The following PLCL1 variants were observed in gnomAD, a reference collection of about 807,000 sequenced individuals.
PLCL1 encodes inactive phospholipase C-like protein 1.
In PLCL1, 41 loss-of-function variants were observed where a neutral mutation model predicts 84.4. The observed-to-expected ratio is 0.49, with a 90% CI of 0.38 to 0.63. The LOEUF (loss-of-function observed/expected upper bound fraction) is 0.63. Among genes scored for constraint, PLCL1 ranks in the 30% least tolerant of loss-of-function variants. The pLI is 0.00. For missense variants in PLCL1, 1,206 were observed against 1,367.8 expected (o/e 0.88, Z 1.87); for synonymous variants, 490 against 488.3 (o/e 1.00, Z -0.05).
chr2:197,922,802 C>T (rs1187516143), intron 1 of PLCL1, among the ~76,000 whole-genome samples: 47 of 115,128 alleles, frequency 4.1e-4, no homozygotes, highest in Non-Finnish European at 6.2e-4. Flanking sequence ...CCCTCCCGGA[C>T]GGGGCGGCTG....
In PLCL1 at chr2:198,089,074, G is replaced by C. The variant is rs80071401; in HGVS notation, c.2919+13G>C. 5 of 1,602,596 alleles carry C rather than the reference G, an allele frequency of 3.1e-6. No homozygotes were observed. The highest frequency in any genetic ancestry group is 4.3e-6 in the Non-Finnish European group (5 of 1,169,930). ...TGCTTATGATCTGGTAGGAAATTGCGACTCCATATTTTTTTACGTGTGTGT... is the reference window on the plus strand; with the variant it reads ...TGCTTATGATCTGGTAGGAAATTGCCACTCCATATTTTTTTACGTGTGTGT... On this transcript the variant is annotated intron_variant, in intron 3 of 5. Transcript: ENST00000428675.
chr2:197,805,120 C>A lies in PLCL1; in HGVS notation c.21C>A (p.Gly7=). The change falls in exon 1 of 6, where the codon GGC becomes GGA. Residue 7 remains glycine (G), a synonymous_variant. Coordinates refer to ENST00000428675, the MANE Select transcript of PLCL1 (RefSeq NM_006226.4). This position sits in a 1 kb window ranked among gnomAD's most constrained non-coding sequence, Gnocchi z 4.0. ...AGGCCATGGCCGAGGGCGCGGCCGG[C>A]AGGGAGGATCCGGCGCCGCCCGACG... MAEGAA[G]REDPAPPDAA... is the part of the protein sequence containing the mutation. 1 of 1,323,352 alleles carries A rather than the reference C, an allele frequency of 7.6e-7. No individual in the cohort carries two copies. Among genetic ancestry groups the A allele is most frequent in the South Asian group, 2.0e-5 (1 of 49,134 alleles). The allele number at this position is 1,323,352 out of a possible 1,614,324, so 82.0% of individuals were successfully genotyped here. A position where few individuals can be genotyped will look rare whatever the true frequency, so the allele number is the denominator to read the frequency against.
chr2:198,078,580 C>T (rs1215126775), intron 1 of PLCL1, among the ~76,000 whole-genome samples: 1 of 151,960 alleles, frequency 6.6e-6, no homozygotes, highest in African/African-American at 2.4e-5. Flanking sequence ...CCCTCCCTTA[C>T]ACTATGTAGC....
At chr2:198,139,105 A>C (rs982316965) in intron 5 of PLCL1, among the ~76,000 whole-genome samples, 5 of 152,126 alleles carry the variant, frequency 3.3e-5, no homozygotes, top group African/African-American at 1.2e-4. Flanking sequence ...CTGTGAGCCA[A>C]GATCGCACCA....
At chr2:197,931,274 A>C (rs1026501869) in intron 1 of PLCL1, among the ~76,000 whole-genome samples, 3 of 152,078 alleles carry the variant, frequency 2.0e-5, no homozygotes, top group African/African-American at 7.2e-5. Flanking sequence ...TCAGACTTAA[A>C]CTTTCCTCAC....
intron 1 of PLCL1, among the ~76,000 whole-genome samples, chr2:197,875,854 A>G (rs1037774339): frequency 6.6e-6 from 1 of 152,146 alleles, no homozygotes; most frequent in Non-Finnish European, 1.5e-5. Context: ...CAGATGTGTG[A>G]GACAGGCTGG....
chr2:197,841,938 A>T (rs1273207466), intron 1 of PLCL1, among the ~76,000 whole-genome samples: 2 of 152,198 alleles, frequency 1.3e-5, no homozygotes, highest in African/African-American at 2.4e-5. Context: ...GTTTTATTGA[A>T]GACATGTAGG....
intron 1 of PLCL1, among the ~76,000 whole-genome samples, chr2:197,922,949 G>A (rs1688741072): frequency 1.6e-5 from 2 of 121,332 alleles, no homozygotes; most frequent in Non-Finnish European, 3.5e-5. Flanking sequence ...GGCCGGGCGG[G>A]GGGCTGACCC....
chr2:198,145,894 A>C (rs1342878409), intron 5 of PLCL1, among the ~76,000 whole-genome samples: 1 of 152,138 alleles, frequency 6.6e-6, no homozygotes, highest in Non-Finnish European at 1.5e-5. Context: ...TTTCAAGGTC[A>C]CACTTTCAGG....
chr2:197,865,748 C>T (rs1292011614), intron 1 of PLCL1, among the ~76,000 whole-genome samples: 1 of 151,746 alleles, frequency 6.6e-6, no homozygotes, highest in Non-Finnish European at 1.5e-5. Context: ...CATAGTGGCT[C>T]ACACCTGTAA....
rs1463860775 is a variant in PLCL1 at position 198,149,213 on chromosome 2, A to G, written c.*2251A>G. 6.6e-6 allele frequency: 1 copy of G among 152,302 alleles called. No individual in the cohort carries two copies. Among genetic ancestry groups the G allele is most frequent in the African/African-American group, 2.4e-5 (1 of 41,446 alleles). 9.4% of individuals were successfully genotyped at this position (152,302 alleles called of 1,614,324 possible). ...TTTTTGTGTATTATGCCTCCATGAC[A>G]TTGTTACATTCTATGAGGAGCATCT... On this transcript the variant is annotated 3_prime_UTR_variant, in exon 6 of 6. Coordinates refer to ENST00000428675, the MANE Select transcript of PLCL1 (RefSeq NM_006226.4).
chr2:198,066,016 T>C (rs895587409), intron 1 of PLCL1, among the ~76,000 whole-genome samples: 1 of 152,162 alleles, frequency 6.6e-6, no homozygotes, highest in African/African-American at 2.4e-5. Context: ...TACAAATTAT[T>C]ATTACTGAAA....
Position 198,089,056 on chromosome 2 carries a change from G to A in PLCL1, c.2914G>A (p.Asp972Asn). 1 of 1,612,480 alleles carries A rather than the reference G, an allele frequency of 6.2e-7. No individual in the cohort carries two copies. The highest frequency in any genetic ancestry group is 8.5e-7 in the Non-Finnish European group (1 of 1,178,552). Reference sequence around the variant, plus strand: ...GCAGAAAAAGATGCTGACTGCTTATGATCTGGTAGGAAATTGCGACTCCAT... The same window carrying A: ...GCAGAAAAAGATGCTGACTGCTTATAATCTGGTAGGAAATTGCGACTCCAT... ...DVQKKMLTAY[D>N]LMIQESRFLI... The change falls in exon 3 of 6, where the codon GAT (aspartate) becomes AAT (asparagine). Residue 972 changes from aspartate to asparagine, a missense_variant. Transcript: ENST00000428675.
At chr2:198,139,383 G>T (rs1304623464) in intron 5 of PLCL1, among the ~76,000 whole-genome samples, 2 of 151,982 alleles carry the variant, frequency 1.3e-5, no homozygotes, top group Non-Finnish European at 2.9e-5. Flanking sequence ...CTCTACATTT[G>T]CATTATCATT....
chr2:198,139,171 A>G (rs1694325615), intron 5 of PLCL1, among the ~76,000 whole-genome samples: 1 of 152,084 alleles, frequency 6.6e-6, no homozygotes, highest in Non-Finnish European at 1.5e-5. Context: ...AAAAAAAAAA[A>G]GATTTGGCAG....
intron 5 of PLCL1, among the ~76,000 whole-genome samples, chr2:198,107,637 T>G (rs181349467): frequency 6.6e-6 from 1 of 152,114 alleles, no homozygotes; most frequent in East Asian, 1.9e-4. Context: ...ATTTCTTTGT[T>G]AACTTCTGAC....
At chr2:198,105,192 A>G (rs751034445) in intron 5 of PLCL1, among the ~76,000 whole-genome samples, 9 of 151,988 alleles carry the variant, frequency 5.9e-5, no homozygotes, top group Non-Finnish European at 8.8e-5. Context: ...TGATTTTTGT[A>G]TATGGTACAA....
Position 198,101,324 on chromosome 2 carries a change from A to G in PLCL1, c.2959A>G (p.Thr987Ala). 6.2e-7 allele frequency: 1 copy of G among 1,600,046 alleles called. No individual in the cohort carries two copies. Among genetic ancestry groups the G allele is most frequent in the Non-Finnish European group, 8.6e-7 (1 of 1,168,950 alleles). ...ESRFLIEMAD[T>A]VQEKIVQCQK... is the part of the protein sequence containing the mutation. ...CCGGTTTCTCATAGAAATGGCGGACACAGTCCAGGAAAAGATTGTACAGTG... is the reference window on the plus strand; with the variant it reads ...CCGGTTTCTCATAGAAATGGCGGACGCAGTCCAGGAAAAGATTGTACAGTG... Residue 987 changes from threonine (T) to alanine (A), a missense_variant, in exon 4 of 6, where the codon ACA becomes GCA. Physicochemically the swap from Thr to Ala is moderately conservative, Grantham distance 58. Transcript: ENST00000428675.
intron 1 of PLCL1, among the ~76,000 whole-genome samples, chr2:198,069,320 G>C (rs903168587): frequency 1.3e-5 from 2 of 151,840 alleles, no homozygotes; most frequent in Admixed American, 1.3e-4. Flanking sequence ...GCAAGAACCT[G>C]TCTCTACAGA....
Sources: allele counts gnomAD v4.1 joint callset (sites outside exome capture counted in the v4.1 genomes callset), GRCh38; gene constraint gnomAD v4.1.1; non-coding constraint Gnocchi (gnomAD v3.1); transcripts MANE v1.5; gene names NCBI Gene and HGNC (gene_info 2026-07-23, HGNC 2026-07-21).